MTA3: variants seen among roughly 807,000 people sequenced by gnomAD.
The protein encoded by MTA3 is metastasis associated 1 family member 3.
A neutral mutation model predicts 83.5 loss-of-function variants in MTA3; 34 were observed. That is an observed-to-expected ratio of 0.41 (90% CI 0.31 to 0.54). The LOEUF is 0.54. Among genes scored for constraint, MTA3 ranks in the 20% least tolerant of loss-of-function variants. MTA3 has a pLI of 0.33. For synonymous variants in MTA3, 303 were observed against 252.7 expected (o/e 1.20, Z -1.89); for missense variants, 761 against 726.4 (o/e 1.05, Z -0.55).
intron 8 of MTA3, among the ~76,000 whole-genome samples, chr2:42,663,323 C>T (rs1455034977): frequency 1.3e-5 from 2 of 152,258 alleles, no homozygotes; most frequent in South Asian, 2.1e-4. Context: ...CACTGCTTCC[C>T]ACTGCTGGTG....
chr2:42,647,735 G>A (rs1306069410), intron 6 of MTA3, among the ~76,000 whole-genome samples: 1 of 152,140 alleles, frequency 6.6e-6, no homozygotes, highest in Admixed American at 6.5e-5. Context: ...CATCATAAAT[G>A]TAGAAGCCAT....
chr2:42,744,897 TGAG>T (rs1046818975), intron 16 of MTA3, among the ~76,000 whole-genome samples: 3 of 152,066 alleles, frequency 2.0e-5, no homozygotes. Flanking sequence ...CATGAAGAAG[TGAG>T]GAGAAGCCTT....
At chr2:42,521,290 C>G (rs1305006728) in intron 2 of MTA3, among the ~76,000 whole-genome samples, 2 of 152,140 alleles carry the variant, frequency 1.3e-5, no homozygotes, top group Non-Finnish European at 2.9e-5. Flanking sequence ...GGCCAGCAAT[C>G]AGAGTGGACC....
intron 9 of MTA3, among the ~76,000 whole-genome samples, chr2:42,689,783 T>C (rs1692707914): frequency 6.6e-6 from 1 of 151,046 alleles, no homozygotes; most frequent in South Asian, 2.1e-4. Context: ...CTTTTTTTTT[T>C]TTTCTTTTTT....
chr2:42,665,188 T>C (rs1453738702), intron 8 of MTA3, among the ~76,000 whole-genome samples: 1 of 152,114 alleles, frequency 6.6e-6, no homozygotes, highest in Non-Finnish European at 1.5e-5. Flanking sequence ...TCAAAGGAGT[T>C]CGAGACCAGC....
intron 16 of MTA3, among the ~76,000 whole-genome samples, chr2:42,723,667 A>G (rs182514309): frequency 6.6e-6 from 1 of 152,332 alleles, no homozygotes; most frequent in African/African-American, 2.4e-5. Flanking sequence ...TATAAACACA[A>G]CCATAATAAA....
At chr2:42,496,093 T>C (rs1674117109) in intron 2 of MTA3, among the ~76,000 whole-genome samples, 1 of 152,218 alleles carries the variant, frequency 6.6e-6, no homozygotes, top group Non-Finnish European at 1.5e-5. Flanking sequence ...TATTGTAGGG[T>C]TTATTTCCTG....
At chr2:42,670,457 T>A (rs1456483653) in intron 8 of MTA3, among the ~76,000 whole-genome samples, 3 of 152,152 alleles carry the variant, frequency 2.0e-5, no homozygotes, top group Non-Finnish European at 4.4e-5. Flanking sequence ...ATTCTATCTA[T>A]AAAGTAGAAT....
At chr2:42,665,083 G>C (rs1435385652) in intron 8 of MTA3, among the ~76,000 whole-genome samples, 1 of 152,148 alleles carries the variant, frequency 6.6e-6, no homozygotes, top group African/African-American at 2.4e-5. Context: ...TAAAATATAA[G>C]ATCTGTTTTA....
chr2:42,754,201 T>TTA lies in MTA3; in HGVS notation c.*802_*803insTA. 1 of 985,498 alleles carries TTA rather than the reference T, an allele frequency of 1.0e-6. No homozygotes were observed. The highest frequency in any genetic ancestry group is 1.2e-6 in the Non-Finnish European group (1 of 829,970). The allele number at this position is 985,498 out of a possible 1,614,324, so 61.0% of individuals were successfully genotyped here. ...TCACTGTGACAAGCCGTTTGCTTAC[T>TTA]GCCCTGTTCCCTTGCAGCCAAACCA... On this transcript the variant is annotated 3_prime_UTR_variant, in exon 17 of 17. Transcript: ENST00000405094.
chr2:42,644,033 G>T, intron 5 of MTA3, 94 bp from the exon 6 acceptor site: 2 of 680,988 alleles, frequency 2.9e-6, no homozygotes, highest in South Asian at 2.5e-5. Flanking sequence ...ATACTCTCTG[G>T]GGTTTATATG....
chr2:42,603,398 A>C (rs773968550), intron 3 of MTA3, among the ~76,000 whole-genome samples: 1 of 152,188 alleles, frequency 6.6e-6, no homozygotes, highest in Non-Finnish European at 1.5e-5. Context: ...GCAAGTGAAA[A>C]ATAGTACAGT....
intron 2 of MTA3, among the ~76,000 whole-genome samples, chr2:42,529,444 A>G (rs1675859317): frequency 6.6e-6 from 1 of 152,176 alleles, no homozygotes; most frequent in Non-Finnish European, 1.5e-5. Context: ...GGGCCATAAG[A>G]CAACCACCTA....
intron 2 of MTA3, among the ~76,000 whole-genome samples, chr2:42,503,973 G>A (rs1018165678): frequency 2.2e-5 from 3 of 137,912 alleles, no homozygotes; most frequent in African/African-American, 5.6e-5. Context: ...ACCCAGGCTG[G>A]TGTGCAGTGG....
chr2:42,724,359 G>C (rs1667663712), intron 16 of MTA3, among the ~76,000 whole-genome samples: 1 of 139,752 alleles, frequency 7.2e-6, no homozygotes, highest in African/African-American at 2.6e-5. Flanking sequence ...TAAAAAGACT[G>C]TCGTTGTGGG....
intron 14 of MTA3, among the ~76,000 whole-genome samples, chr2:42,715,474 G>A (rs1468709613): frequency 2.1e-5 from 3 of 143,236 alleles, no homozygotes; most frequent in Non-Finnish European, 4.5e-5. Flanking sequence ...GTGCAGTAGC[G>A]TGATCATGGC....
chr2:42,551,605 G>A (rs1677112500), intron 2 of MTA3, among the ~76,000 whole-genome samples: 1 of 152,118 alleles, frequency 6.6e-6, no homozygotes, highest in African/African-American at 2.4e-5. Context: ...AAAACATATT[G>A]TAAGTACAAT....
chr2:42,601,618 G>T (rs1056591520), intron 3 of MTA3, among the ~76,000 whole-genome samples: 2 of 152,176 alleles, frequency 1.3e-5, no homozygotes, highest in African/African-American at 4.8e-5. Flanking sequence ...GAACTTCCAG[G>T]CTCAAGGGAT....
chr2:42,695,958 A>T, intron 10 of MTA3, 119 bp downstream of exon 10: 1 of 602,188 alleles, frequency 1.7e-6, no homozygotes, highest in South Asian at 2.4e-5. Flanking sequence ...TTTCCAGACT[A>T]CTTTAAACTA....
Sources: gnomAD v4.1 joint callset for allele counts (sites outside exome capture counted in the v4.1 genomes callset) on GRCh38, gnomAD v4.1.1 for gene constraint, MANE v1.5 for transcripts, NCBI Gene and HGNC (gene_info 2026-07-23, HGNC 2026-07-21) for gene names.